ADGRD1: variants seen among roughly 807,000 people sequenced by gnomAD.
ADGRD1 encodes adhesion G protein-coupled receptor D1.
A neutral mutation model predicts 113.4 loss-of-function variants in ADGRD1; 77 were observed. The observed-to-expected ratio is 0.68, with a 90% CI of 0.57 to 0.82. ADGRD1 has a LOEUF of 0.82. Among genes scored for constraint, ADGRD1 ranks in the 40% least tolerant of loss-of-function variants. ADGRD1 has a pLI of 0.00. For missense variants in ADGRD1, 1,036 were observed against 1,139.1 expected (o/e 0.91, Z 1.30); for synonymous variants, 474 against 475.0 (o/e 1.00, Z 0.03).
intron 11 of ADGRD1, 38 bp from the exon 12 acceptor site, chr12:131,005,934 G>A (rs778095561): frequency 6.5e-7 from 1 of 1,547,694 alleles, no homozygotes; most frequent in South Asian, 1.1e-5. Flanking sequence ...CTGTGGCCTG[G>A]AGCGCTGACA....
intron 18 of ADGRD1, among the ~76,000 whole-genome samples, chr12:131,116,710 G>C (rs11061334): frequency 0.17 from 25,145 of 152,198 alleles, 3,337 homozygotes; most frequent in East Asian, 0.64. Flanking sequence ...CAGGAGCTGT[G>C]TCTCTTGAGC....
chr12:131,074,260 C>G (rs2137153717), intron 13 of ADGRD1, among the ~76,000 whole-genome samples: 1 of 152,312 alleles, frequency 6.6e-6, no homozygotes, highest in African/African-American at 2.4e-5. Context: ...CACAGGCACT[C>G]CCCATTAGAC....
intron 4 of ADGRD1, among the ~76,000 whole-genome samples, chr12:130,979,055 G>A (rs919832619): frequency 3.9e-5 from 6 of 152,182 alleles, no homozygotes; most frequent in East Asian, 1.9e-4. Flanking sequence ...CAGGAAGCCC[G>A]TTCATGAGGT....
intron 18 of ADGRD1, among the ~76,000 whole-genome samples, chr12:131,110,372 AT>A (rs1176827713): frequency 4.2e-5 from 6 of 142,902 alleles, no homozygotes; most frequent in African/African-American, 1.6e-4. Flanking sequence ...TTTTTTGGTT[AT>A]TTTCTTAGCG....
At chr12:131,085,111 T>C (rs893024158) in intron 15 of ADGRD1, among the ~76,000 whole-genome samples, 1 of 152,146 alleles carries the variant, frequency 6.6e-6, no homozygotes, top group Non-Finnish European at 1.5e-5. Context: ...AACCAGCAGA[T>C]AAATTAGTCA....
At chr12:131,072,438 G>A (rs944882758) in intron 13 of ADGRD1, among the ~76,000 whole-genome samples, 5 of 152,224 alleles carry the variant, frequency 3.3e-5, no homozygotes, top group African/African-American at 1.2e-4. Context: ...AGGTGGCCAT[G>A]GGCTGTGCTT....
rs1217879421 is a variant in ADGRD1, at chr12:131,141,023, C to G, written c.*1760C>G. On this transcript the variant is annotated 3_prime_UTR_variant, in exon 25 of 25. Transcript: ENST00000261654. ...CCCCAGGCTCCCGTGACCCCAGAAA[C>G]CAGGTCACATGGACCACAGTGCCAG... 1.3e-5 allele frequency: 2 copies of G among 152,300 alleles called. No homozygotes were observed. Among genetic ancestry groups the G allele is most frequent in the African/African-American group, 4.8e-5 (2 of 41,466 alleles). The allele number at this position is 152,300 out of a possible 1,614,324, so 9.4% of individuals were successfully genotyped here. A position where few individuals can be genotyped will look rare whatever the true frequency, so the allele number is the denominator to read the frequency against.
At chr12:131,104,601 T>C (rs761725716) in intron 15 of ADGRD1, among the ~76,000 whole-genome samples, 4 of 152,054 alleles carry the variant, frequency 2.6e-5, no homozygotes, top group South Asian at 4.2e-4. Flanking sequence ...AGCCTCAGTG[T>C]TCTGTAGGGC....
At chr12:130,996,785 G>T (rs1875472455) in intron 8 of ADGRD1, among the ~76,000 whole-genome samples, 1 of 104,084 alleles carries the variant, frequency 9.6e-6, no homozygotes, top group Non-Finnish European at 2.1e-5. Context: ...GGGTGGCCGG[G>T]CAGAGGCGCC....
At chr12:131,074,170 G>A (rs116972683) in intron 13 of ADGRD1, among the ~76,000 whole-genome samples, 2,247 of 152,192 alleles carry the variant, frequency 0.015, 26 homozygotes, top group Non-Finnish European at 0.02. Flanking sequence ...GGTTAATCCC[G>A]TTTGCTTCTC....
chr12:131,056,948 C>T (rs1883915606), intron 13 of ADGRD1, among the ~76,000 whole-genome samples: 1 of 152,108 alleles, frequency 6.6e-6, no homozygotes, highest in African/African-American at 2.4e-5. Context: ...GTTGTGGAGG[C>T]GTTGATTGTG....
chr12:130,982,859 A>C (rs1565999607), intron 5 of ADGRD1, among the ~76,000 whole-genome samples: 1 of 152,170 alleles, frequency 6.6e-6, no homozygotes, highest in African/African-American at 2.4e-5. Context: ...AGAAGGACTC[A>C]GGGTGGCATG....
chr12:131,011,898 C>T (rs932650310), intron 12 of ADGRD1, among the ~76,000 whole-genome samples: 12 of 152,156 alleles, frequency 7.9e-5, no homozygotes, highest in Admixed American at 5.2e-4. Flanking sequence ...CTTGGAGTCG[C>T]GTGCGGGGCG....
In ADGRD1 at chr12:130,984,939, CTCTTTCTT is replaced by C. The variant is rs770199975; in HGVS notation, c.491-2150_491-2143del. Among the ~76,000 whole-genome samples, 2 of 150,928 alleles carry C rather than the reference CTCTTTCTT, an allele frequency of 1.3e-5. No individual in the cohort carries two copies. Among genetic ancestry groups the C allele is most frequent in the Non-Finnish European group, 2.9e-5 (2 of 67,798 alleles). On this transcript the variant is annotated intron_variant, in intron 5 of 24. Transcript: ENST00000261654. The surrounding 1 kb of genome is among the most constrained non-coding windows in gnomAD (Gnocchi z 4.1). ...TCTCTCTCCTCTCTTCTCTCTTTCT[CTCTTTCTT>C]TCTTTTTCTTTCTGACAGGATCTGT... is the stretch of plus-strand genomic sequence containing the variant.
intron 21 of ADGRD1, 123 bp from the exon 22 acceptor site, chr12:131,135,914 C>T (rs747911881): frequency 1.0e-6 from 1 of 996,566 alleles, no homozygotes; most frequent in Non-Finnish European, 1.5e-6. Context: ...GGGAGGACCC[C>T]AGGTCTTGCT....
At position 131,137,021 on chromosome 12, in the gene ADGRD1, C is replaced by G. The variant is rs2136113897; in HGVS notation, c.2436+7C>G. 1 of 1,610,012 alleles carries G rather than the reference C, an allele frequency of 6.2e-7. No individual in the cohort carries two copies. Among genetic ancestry groups the G allele is most frequent in the East Asian group, 2.2e-5 (1 of 44,852 alleles). On this transcript the variant is annotated splice_region_variant and intron_variant, in intron 23 of 24. Coordinates refer to ENST00000261654, the MANE Select transcript of ADGRD1 (RefSeq NM_198827.5). The stretch of plus-strand genomic sequence containing the variant: ...TTGTCTCCTGAATTCAGAGGTACGT[C>G]CGCTCTGCTTGCTGGCAGGTGCAGG...
At chr12:131,126,437 CTGTTA>C (rs1439397589) in intron 20 of ADGRD1, among the ~76,000 whole-genome samples, 1 of 152,190 alleles carries the variant, frequency 6.6e-6, no homozygotes, top group East Asian at 1.9e-4. Context: ...CTGTGGTATT[CTGTTA>C]TAGTAGCAGA....
At chr12:130,981,571 T>C (rs1873001601) in intron 4 of ADGRD1, among the ~76,000 whole-genome samples, 1 of 152,134 alleles carries the variant, frequency 6.6e-6, no homozygotes, top group South Asian at 2.1e-4. Context: ...GCGATCTTCA[T>C]CAGTCACTGG....
chr12:131,068,516 A>G (rs1884902483), intron 13 of ADGRD1, among the ~76,000 whole-genome samples: 1 of 152,168 alleles, frequency 6.6e-6, no homozygotes, highest in African/African-American at 2.4e-5. Context: ...CAGGTGGCTG[A>G]GGCTGTTTGA....
Sources: gnomAD v4.1 joint callset for allele counts (sites outside exome capture counted in the v4.1 genomes callset) on GRCh38, gnomAD v4.1.1 for gene constraint, Gnocchi (gnomAD v3.1) non-coding constraint, MANE v1.5 for transcripts, NCBI Gene and HGNC (gene_info 2026-07-23, HGNC 2026-07-21) for gene names.